Variants in LCOR observed in about 807,000 individuals in gnomAD.
The protein encoded by LCOR is ligand dependent nuclear receptor corepressor.
In LCOR, 14 loss-of-function variants were observed where a neutral mutation model predicts 64.4. That is an observed-to-expected ratio of 0.22 (90% CI 0.14 to 0.34). The LOEUF is 0.34. Among genes scored for constraint, LCOR ranks in the 10% least tolerant of loss-of-function variants. LCOR has a pLI of 1.00. For synonymous variants in LCOR, 643 were observed against 642.5 expected (o/e 1.00, Z -0.01); for missense variants, 1,686 against 1,765.3 (o/e 0.96, Z 0.80).
intron 5 of LCOR, among the ~76,000 whole-genome samples, chr10:96,947,903 G>A (rs1273492546): frequency 6.6e-6 from 1 of 152,066 alleles, no homozygotes; most frequent in African/African-American, 2.4e-5. Context: ...CATGGTGATT[G>A]ATTTGATTGA....
At position 96,842,039 on chromosome 10, in the gene LCOR, G is replaced by A. The variant is rs150360789; in HGVS notation, c.-330+8560G>A. 3.3e-3 allele frequency among the ~76,000 whole-genome samples: 503 copies of A among 151,976 alleles called. 3 individuals are homozygous for A. The highest frequency in any genetic ancestry group is 0.012 in the African/African-American group (483 of 41,456). ...TTATTGTGTATAGTTCTCTTAGTAC[G>A]TGATTTTTTAGAGTTTTGCAGAAGG... is the stretch of plus-strand genomic sequence containing the variant. On this transcript the variant is annotated intron_variant, in intron 2 of 7. Transcript: ENST00000421806.
intron 4 of LCOR, 89 bp downstream of exon 4, chr10:96,907,836 T>C (rs1180369110): frequency 8.9e-6 from 3 of 337,144 alleles, no homozygotes; most frequent in African/African-American, 6.7e-5. Flanking sequence ...TTGGAGGATT[T>C]GTAGGAAAAG....
intron 5 of LCOR, among the ~76,000 whole-genome samples, chr10:96,944,556 C>G (rs990855408): frequency 6.7e-6 from 1 of 148,938 alleles, no homozygotes; most frequent in Non-Finnish European, 1.5e-5. Context: ...GAGACAGTTA[C>G]TGTTTTAATC....
chr10:96,880,914 T>C (rs1846251674), intron 2 of LCOR, among the ~76,000 whole-genome samples: 1 of 152,236 alleles, frequency 6.6e-6, no homozygotes, highest in Non-Finnish European at 1.5e-5. Context: ...CTGTCAAGTC[T>C]TTCAAGAATC....
chr10:96,899,629 A>T (rs1246304670), intron 2 of LCOR, among the ~76,000 whole-genome samples: 2 of 152,090 alleles, frequency 1.3e-5, no homozygotes, highest in Non-Finnish European at 2.9e-5. Context: ...GTAAGTATAA[A>T]TTAAATTTAT....
intron 4 of LCOR, among the ~76,000 whole-genome samples, chr10:96,917,415 A>G (rs1337431562): frequency 6.6e-6 from 1 of 152,254 alleles, no homozygotes; most frequent in Non-Finnish European, 1.5e-5. Context: ...ATCCAGAACC[A>G]GAATTCTCAT....
chr10:96,874,507 T>G lies in LCOR; in HGVS notation c.-329-32758T>G, dbSNP rs557858502. Among the ~76,000 whole-genome samples, 5 of 152,198 alleles carry G rather than the reference T, an allele frequency of 3.3e-5. No individual in the cohort carries two copies. The East Asian group carries it at 9.6e-4, about 29-fold the overall frequency. ...AATAATAGCTAACATTTATGTAGTA[T>G]TTTTTATGCCAGTAACTGACCGAGC... On this transcript the variant is annotated intron_variant, in intron 2 of 7. Coordinates refer to ENST00000421806, the MANE Select transcript of LCOR (RefSeq NM_001346516.2).
chr10:96,854,772 G>A (rs543979408), intron 2 of LCOR, among the ~76,000 whole-genome samples: 1 of 152,202 alleles, frequency 6.6e-6, no homozygotes, highest in Non-Finnish European at 1.5e-5. Flanking sequence ...ATTCACAGAT[G>A]TACTAGAATT....
At chr10:96,846,318 A>G (rs546119074) in intron 2 of LCOR, among the ~76,000 whole-genome samples, 65 of 152,008 alleles carry the variant, frequency 4.3e-4, no homozygotes, top group Admixed American at 1.2e-3. Context: ...ACAGTTGTGC[A>G]TTCTAGGCTC....
At chr10:96,890,381 C>A (rs144094232) in intron 2 of LCOR, among the ~76,000 whole-genome samples, 1 of 152,090 alleles carries the variant, frequency 6.6e-6, no homozygotes, top group Non-Finnish European at 1.5e-5. Context: ...CACCCCTGCC[C>A]AGCCTAAAAC....
chr10:96,854,791 G>A (rs774296386), intron 2 of LCOR, among the ~76,000 whole-genome samples: 3 of 152,134 alleles, frequency 2.0e-5, no homozygotes, highest in Admixed American at 6.5e-5. Flanking sequence ...TTGGTGATGC[G>A]AATCTAAGAT....
chr10:96,953,252 TATA>T (rs1847712504), intron 7 of LCOR, among the ~76,000 whole-genome samples: 1 of 152,056 alleles, frequency 6.6e-6, no homozygotes, highest in Admixed American at 6.6e-5. Flanking sequence ...GTTCTATTTA[TATA>T]TCAAAAAATA....
At chr10:96,950,551 T>C (rs1847660806) in intron 6 of LCOR, among the ~76,000 whole-genome samples, 1 of 152,166 alleles carries the variant, frequency 6.6e-6, no homozygotes, top group South Asian at 2.1e-4. Flanking sequence ...TAATGGAGGT[T>C]AACATAAAAT....
chr10:96,873,832 T>G (rs1474744440), intron 2 of LCOR, among the ~76,000 whole-genome samples: 1 of 152,046 alleles, frequency 6.6e-6, no homozygotes. Flanking sequence ...ATAAGTTGTT[T>G]TGATGTTAAT....
rs531578528 is a variant in LCOR at position 96,969,472 on chromosome 10, TTAAC to T, written c.333-11318_333-11315del. On this transcript the variant is annotated intron_variant, in intron 7 of 7. Transcript: ENST00000421806. Reference sequence around the variant, plus strand: ...GATTAGAAATTTAAAAGTCATAAAGTTAACTATGTGCATTTCCATTGTATACAAA... The same window carrying T: ...GATTAGAAATTTAAAAGTCATAAAGTTATGTGCATTTCCATTGTATACAAA... 2.8e-3 allele frequency among the ~76,000 whole-genome samples: 433 copies of T among 152,202 alleles called. 4 individuals carry two copies. Among genetic ancestry groups the T allele is most frequent in the African/African-American group, 0.01 (417 of 41,570 alleles).
Position 96,981,644 on chromosome 10 carries a change from A to G in LCOR, c.1184A>G (p.His395Arg). ...GATGCAAGGCCAAAGCAAGAGAACCATCTTCACTCTCTGGGAAGAAATAAG... is the reference window on the plus strand; with the variant it reads ...GATGCAAGGCCAAAGCAAGAGAACCGTCTTCACTCTCTGGGAAGAAATAAG... Reference protein sequence around the residue: ...EQDARPKQENHLHSLGRNKVG... With the variant: ...EQDARPKQENRLHSLGRNKVG... Residue 395 changes from histidine to arginine, a missense_variant, in exon 8 of 8, where the codon CAT becomes CGT. His to Arg is a conservative substitution (Grantham distance 29). This residue lies in a region of LCOR where 1,293 missense variants were observed against 1,410.4 expected (regional missense o/e 0.92). Coordinates refer to ENST00000421806, the MANE Select transcript of LCOR (RefSeq NM_001346516.2). 1 of 1,614,198 alleles carries G rather than the reference A, an allele frequency of 6.2e-7. No individual in the cohort carries two copies. The highest frequency in any genetic ancestry group is 8.5e-7 in the Non-Finnish European group (1 of 1,180,038).
Position 96,879,422 on chromosome 10 carries a change from A to C in LCOR, c.-329-27843A>C, listed in dbSNP as rs558455623. Among the ~76,000 whole-genome samples, 5 of 152,298 alleles carry C rather than the reference A, an allele frequency of 3.3e-5. No homozygotes were observed. The East Asian group carries it at 9.7e-4, about 29-fold the overall frequency. ...AATGGAGAGTGAGGATTCAAGCAAA[A>C]GCCAGAAGCTTATTCCAAGCCATCT... On this transcript the variant is annotated intron_variant, in intron 2 of 7. Transcript: ENST00000421806.
intron 2 of LCOR, among the ~76,000 whole-genome samples, chr10:96,863,512 G>C (rs1446972792): frequency 6.6e-6 from 1 of 152,074 alleles, no homozygotes; most frequent in Non-Finnish European, 1.5e-5. Context: ...TCCATCTTGT[G>C]AATTTTCTGA....
At chr10:96,969,433 T>C (rs1847978001) in intron 7 of LCOR, among the ~76,000 whole-genome samples, 1 of 152,228 alleles carries the variant, frequency 6.6e-6, no homozygotes, top group Non-Finnish European at 1.5e-5. Context: ...TGTTTGGAAG[T>C]AGAAGATGCT....
Sources: gnomAD v4.1 joint callset for allele counts (sites outside exome capture counted in the v4.1 genomes callset) on GRCh38, gnomAD v4.1.1 for gene constraint, gnomAD v4.1.1 regional missense constraint, MANE v1.5 for transcripts, NCBI Gene and HGNC (gene_info 2026-07-23, HGNC 2026-07-21) for gene names.